CHD1: variants seen among roughly 807,000 people sequenced by gnomAD.
The protein encoded by CHD1 is ATP-dependent chromatin remodeler CHD1.
Under a neutral mutation model 224.2 loss-of-function variants are expected in CHD1, and 36 were observed. The ratio of observed to expected loss-of-function variants is 0.16; its 90% CI spans 0.12 to 0.21. The LOEUF (loss-of-function observed/expected upper bound fraction) is 0.21. Among genes scored for constraint, CHD1 ranks in the 10% least tolerant of loss-of-function variants. The pLI, the probability that CHD1 is intolerant of heterozygous loss-of-function variation, is 1.00. For missense variants in CHD1, 1,378 were observed against 1,994.8 expected (o/e 0.69, Z 5.89); for synonymous variants, 668 against 658.3 (o/e 1.01, Z -0.23).
chr5:98,873,642 A>G lies in CHD1; in HGVS notation c.3522T>C (p.Asn1174=). The G allele has an allele frequency of 1.2e-6, 2 of 1,610,356 alleles. No homozygotes were observed. Among genetic ancestry groups the G allele is most frequent in the Non-Finnish European group, 1.7e-6 (2 of 1,178,510 alleles). The change falls in exon 26 of 36, where the codon AAT becomes AAC. Residue 1174 remains asparagine (N), a synonymous_variant. Transcript: ENST00000614616. ...TATCCTTTAATGCTTTAATGCAACC[A>G]TTATGTACCAATTCTCCCAGTCGTC... ...DLRRLGELVH[N]GCIKALKDSS... is the part of the protein sequence containing the mutation.
chr5:98,902,202 AAG>A, intron 5 of CHD1, among the ~76,000 whole-genome samples: 1 of 152,176 alleles, frequency 6.6e-6, no homozygotes, highest in Admixed American at 6.5e-5. Flanking sequence ...GATTTGTAGA[AAG>A]AGAAAGGAAA....
rs1405274261 is a variant in CHD1 at position 98,854,167 on chromosome 5, T to C, written c.*2213A>G. The C allele has an allele frequency of 1.5e-5, 2 of 130,352 alleles. No individual in the cohort carries two copies. Among genetic ancestry groups the C allele is most frequent in the Non-Finnish European group, 3.2e-5 (2 of 62,152 alleles). 8.1% of individuals were successfully genotyped at this position (130,352 alleles called of 1,614,324 possible). ...TACTAATGTTCTTCACCATTGCGTC[T>C]TAATTTTTCTGATTTCTTACAAAAA... On this transcript the variant is annotated 3_prime_UTR_variant, in exon 36 of 36. Transcript: ENST00000614616.
intron 2 of CHD1, among the ~76,000 whole-genome samples, chr5:98,921,707 G>T (rs1314671933): frequency 6.6e-6 from 1 of 152,196 alleles, no homozygotes; most frequent in East Asian, 1.9e-4. Flanking sequence ...CTTAAGCAGA[G>T]TAAAAGGGGT....
At position 98,901,351 on chromosome 5, in the gene CHD1, A is replaced by G. The variant is rs769548712; in HGVS notation, c.438-16T>C. On this transcript the variant is annotated splice_polypyrimidine_tract_variant and intron_variant, in intron 5 of 35. Coordinates refer to ENST00000614616, the MANE Select transcript of CHD1 (RefSeq NM_001270.4). ...CCAATCTTCACTGCAGACAAAATTTATAAAGTATTTTTATTTGTACTTATA... is the reference window on the plus strand; with the variant it reads ...CCAATCTTCACTGCAGACAAAATTTGTAAAGTATTTTTATTTGTACTTATA... 3.9e-5 allele frequency: 62 copies of G among 1,589,710 alleles called. No homozygotes were observed. The highest frequency in any genetic ancestry group is 3.8e-5 in the Non-Finnish European group (45 of 1,172,482).
chr5:98,881,874 A>G (rs1750216369), intron 20 of CHD1, 101 bp downstream of exon 20: 1 of 1,024,726 alleles, frequency 9.8e-7, no homozygotes, highest in Admixed American at 2.4e-5. Flanking sequence ...AAAAAGTACA[A>G]CTCTGAATAC....
intron 2 of CHD1, among the ~76,000 whole-genome samples, chr5:98,922,491 T>C (rs1753168027): frequency 6.6e-6 from 1 of 152,180 alleles, no homozygotes; most frequent in Non-Finnish European, 1.5e-5. Context: ...ATTTTTTTTT[T>C]CAGTAGAAAG....
At chr5:98,907,065 A>T (rs1752090659) in intron 2 of CHD1, among the ~76,000 whole-genome samples, 1 of 152,216 alleles carries the variant, frequency 6.6e-6, no homozygotes, top group African/African-American at 2.4e-5. Flanking sequence ...GTCATTCCAG[A>T]TGCATAGCTA....
At chr5:98,883,323 C>T in intron 18 of CHD1, 86 bp from the exon 19 acceptor site, 2 of 833,642 alleles carry the variant, frequency 2.4e-6, no homozygotes, top group South Asian at 5.0e-5. Flanking sequence ...AACAGAAAGG[C>T]AGTTTTTAAA....
intron 32 of CHD1, among the ~76,000 whole-genome samples, chr5:98,862,934 T>A (rs899562453): frequency 6.6e-6 from 1 of 152,210 alleles, no homozygotes; most frequent in Non-Finnish European, 1.5e-5. Flanking sequence ...TAGCTAAATT[T>A]AGCTTTAAGA....
intron 32 of CHD1, among the ~76,000 whole-genome samples, chr5:98,862,708 C>T (rs977752013): frequency 6.6e-6 from 1 of 151,994 alleles, no homozygotes; most frequent in Non-Finnish European, 1.5e-5. Flanking sequence ...AATCTAAGCC[C>T]TAATTATAAG....
chr5:98,894,064 G>A (rs984643849), intron 13 of CHD1, among the ~76,000 whole-genome samples: 2 of 152,130 alleles, frequency 1.3e-5, no homozygotes, highest in East Asian at 3.8e-4. Flanking sequence ...GTTAGAGCAG[G>A]CCTGATTCCG....
Position 98,917,299 on chromosome 5 carries a change from C to CCAAAAAAAAAAAAAAAAAAAAAAAAA in CHD1, c.53+9034_53+9035insTTTTTTTTTTTTTTTTTTTTTTTTTG, listed in dbSNP as rs775841258. ...GCCCATCCCTCCAAAAACAAAGAAA[C>CCAAAAAAAAAAAAAAAAAAAAAAAAA]AAAAAAAAAAAACAACCTCTTAATT... On this transcript the variant is annotated intron_variant, in intron 2 of 35. Transcript: ENST00000614616. Among the ~76,000 whole-genome samples the CCAAAAAAAAAAAAAAAAAAAAAAAAA allele has an allele frequency of 1.2e-3, 142 of 119,832 alleles. 18 individuals carry two copies. The highest frequency in any genetic ancestry group is 5.3e-3 in the African/African-American group (135 of 25,312). 78.6% of individuals were successfully genotyped at this position (119,832 alleles called of 152,430 possible).
At chr5:98,885,785 G>A (rs2112431131) in intron 17 of CHD1, 136 bp from the exon 18 acceptor site, 1 of 593,896 alleles carries the variant, frequency 1.7e-6, no homozygotes, top group East Asian at 2.9e-5. Context: ...TTACTAGACA[G>A]TAAAATAATG....
At chr5:98,900,010 C>T (rs1347706856) in intron 7 of CHD1, among the ~76,000 whole-genome samples, 5 of 152,094 alleles carry the variant, frequency 3.3e-5, no homozygotes, top group Admixed American at 6.5e-5. Context: ...AGGCCCAGCA[C>T]GGTGGCTCAC....
rs778207062 is a variant in CHD1 at position 98,870,646 on chromosome 5, T to TAA, written c.3978+39_3978+40dup. ...GTGAAGTAAACAAAATTTACCTTACTAAAAAGTAAACTGGTCTTAGGCATG... is the reference window on the plus strand; with the variant it reads ...GTGAAGTAAACAAAATTTACCTTACTAAAAAAAGTAAACTGGTCTTAGGCATG... On this transcript the variant is annotated intron_variant, in intron 29 of 35. Transcript: ENST00000614616. 5.8e-6 allele frequency: 7 copies of TAA among 1,209,478 alleles called. No individual in the cohort carries two copies. In the Admixed American group the frequency reaches 6.8e-5, roughly 12 times the overall value. 74.9% of individuals were successfully genotyped at this position (1,209,478 alleles called of 1,614,324 possible).
chr5:98,869,145 T>C (rs1749125216), intron 30 of CHD1: 1 of 954,944 alleles, frequency 1.0e-6, no homozygotes, highest in Admixed American at 6.2e-5. Flanking sequence ...AGTTCTTTTT[T>C]ATTCTCCTTT....
At position 98,901,270 on chromosome 5, in the gene CHD1, T is replaced by C. The variant is rs370850474; in HGVS notation, c.503A>G (p.Glu168Gly). 194 of 1,613,796 alleles carry C rather than the reference T, an allele frequency of 1.2e-4. No individual in the cohort carries two copies. The highest frequency in any genetic ancestry group is 3.3e-4 in the Middle Eastern group (2 of 6,080). Reference protein sequence around the residue: ...SQSGSDSESEEEREKSSCDET... With the variant: ...SQSGSDSESEGEREKSSCDET... Reference sequence around the variant, plus strand: ...ATCACAACTGCTTTTCTCTCTCTCTTCTTCAGATTCTGAATCTGAACCAGA... The same window carrying C: ...ATCACAACTGCTTTTCTCTCTCTCTCCTTCAGATTCTGAATCTGAACCAGA... The change falls in exon 6 of 36, where the codon GAA (glutamate) becomes GGA (glycine). Residue 168 changes from glutamate (E) to glycine (G), a missense_variant. Physicochemically the swap from Glu to Gly is moderately conservative, Grantham distance 98. Transcript: ENST00000614616.
At chr5:98,881,250 GCC>G in intron 21 of CHD1, 27 bp downstream of exon 21, 1 of 1,056,736 alleles carries the variant, frequency 9.5e-7, no homozygotes, top group Non-Finnish European at 1.3e-6. Context: ...TCTGAGGCAG[GCC>G]TTTTTTTTTT....
chr5:98,865,377 G>A (rs1165155618), intron 31 of CHD1, among the ~76,000 whole-genome samples: 2 of 152,218 alleles, frequency 1.3e-5, no homozygotes, highest in East Asian at 3.8e-4. Context: ...TGTAGGCACA[G>A]AAATATAACG....
Sources: gnomAD v4.1 joint callset for allele counts (sites outside exome capture counted in the v4.1 genomes callset) on GRCh38, gnomAD v4.1.1 for gene constraint, MANE v1.5 for transcripts, NCBI Gene and HGNC (gene_info 2026-07-23, HGNC 2026-07-21) for gene names.